The following ZC3H13 variants were observed in gnomAD, a reference collection of about 807,000 sequenced individuals.
ZC3H13 encodes zinc finger CCCH-type containing 13, also known as zinc finger CCCH domain-containing protein 13.
Under a neutral mutation model 204.1 loss-of-function variants are expected in ZC3H13, and 64 were observed. That is an observed-to-expected ratio of 0.31 (90% CI 0.26 to 0.39). The LOEUF is 0.39. Among genes scored for constraint, ZC3H13 ranks in the 10% least tolerant of loss-of-function variants. The pLI, the probability that ZC3H13 is intolerant of heterozygous loss-of-function variation, is 1.00. For missense variants in ZC3H13, 1,833 were observed against 2,082.7 expected (o/e 0.88, Z 2.33); for synonymous variants, 667 against 693.7 (o/e 0.96, Z 0.60).
In ZC3H13 at chr13:45,985,577, C is replaced by G. The variant is rs1954104214; in HGVS notation, c.1440G>C (p.Arg480Ser). The part of the protein sequence containing the change: ...LRDSRDMRDS[R>S]EMRDYSRDTK... ...TATCTCTGCTATAATCTCTCATCTC[C>G]CTTGAGTCCCGCATGTCTCTGGAGT... is the stretch of plus-strand genomic sequence containing the variant. The change falls in exon 10 of 19, where the codon AGG becomes AGC. Residue 480 changes from arginine (R) to serine (S), a missense_variant. By Grantham distance (110) the Arg-to-Ser change is moderately radical. Transcript: ENST00000679008. 6.2e-7 allele frequency: 1 copy of G among 1,613,944 alleles called. No individual in the cohort carries two copies. The highest frequency in any genetic ancestry group is 1.3e-5 in the African/African-American group (1 of 74,886).
At chr13:45,970,605 G>A (rs1275609718) in intron 12 of ZC3H13, 140 bp from the exon 13 acceptor site, 3 of 608,602 alleles carry the variant, frequency 4.9e-6, no homozygotes, top group African/African-American at 1.8e-5. Context: ...ATCATACAAA[G>A]GATATTCAGT....
At chr13:46,013,268 G>A (rs925385763) in intron 5 of ZC3H13, among the ~76,000 whole-genome samples, 2 of 152,108 alleles carry the variant, frequency 1.3e-5, no homozygotes, top group African/African-American at 4.8e-5. Flanking sequence ...ACAAAAATTA[G>A]CTGGGCGAGG....
At chr13:46,003,633 T>C (rs2040911771) in intron 7 of ZC3H13, among the ~76,000 whole-genome samples, 1 of 152,024 alleles carries the variant, frequency 6.6e-6, no homozygotes, top group Admixed American at 6.5e-5. Context: ...ACAATGACTG[T>C]TTAAACTGTT....
rs1951235464 is a variant in ZC3H13, at chr13:45,955,606, G to A, written c.*1521C>T. On this transcript the variant is annotated 3_prime_UTR_variant, in exon 19 of 19. Transcript: ENST00000679008. ...GGACTTTAAATCTTTGTGCTACAGA[G>A]AACAATATTATCCACTAAAATCAGG... 1 of 152,058 alleles carries A rather than the reference G, an allele frequency of 6.6e-6. No individual in the cohort carries two copies. Among genetic ancestry groups the A allele is most frequent in the Non-Finnish European group, 1.5e-5 (1 of 67,988 alleles). The allele number at this position is 152,058 out of a possible 1,614,324, so 9.4% of individuals were successfully genotyped here.
chr13:45,990,736 C>T (rs184861388), intron 8 of ZC3H13, among the ~76,000 whole-genome samples: 2 of 150,510 alleles, frequency 1.3e-5, no homozygotes, highest in East Asian at 3.9e-4. Flanking sequence ...AAAATCACTG[C>T]AAGAGTAAAA....
rs1347682122 is a variant in ZC3H13, at chr13:45,955,109, T to G, written c.*2018A>C. 1 of 152,174 alleles carries G rather than the reference T, an allele frequency of 6.6e-6. No individual in the cohort carries two copies. Among genetic ancestry groups the G allele is most frequent in the African/African-American group, 2.4e-5 (1 of 41,430 alleles). 9.4% of individuals were successfully genotyped at this position (152,174 alleles called of 1,614,324 possible). A position where few individuals can be genotyped will look rare whatever the true frequency, so the allele number is the denominator to read the frequency against. ...CAACTGGACAGACCTGAGCCGTCAG[T>G]TATGAGATAGATGACCTTTTAATTG... On this transcript the variant is annotated 3_prime_UTR_variant, in exon 19 of 19. Coordinates refer to ENST00000679008, the MANE Select transcript of ZC3H13 (RefSeq NM_001330564.2).
At chr13:45,990,334 G>GTAAC (rs1310142735) in intron 8 of ZC3H13, among the ~76,000 whole-genome samples, 3 of 152,098 alleles carry the variant, frequency 2.0e-5, no homozygotes, top group Non-Finnish European at 2.9e-5. Flanking sequence ...TGATGCCTTA[G>GTAAC]TAAACCTTTT....
intron 8 of ZC3H13, among the ~76,000 whole-genome samples, chr13:45,994,497 T>C (rs1311827805): frequency 2.0e-5 from 3 of 152,230 alleles, no homozygotes; most frequent in Non-Finnish European, 2.9e-5. Context: ...CAACTAATAC[T>C]TTTATGAAAC....
intron 4 of ZC3H13, among the ~76,000 whole-genome samples, chr13:46,034,753 AT>A (rs111938251): frequency 3.3e-5 from 5 of 152,158 alleles, no homozygotes; most frequent in African/African-American, 9.6e-5. Flanking sequence ...AATAAAGTAA[AT>A]TTAAAAAAAA....
chr13:45,962,075 A>T, intron 17 of ZC3H13: 1 of 695,622 alleles, frequency 1.4e-6, no homozygotes, highest in Non-Finnish European at 1.8e-6. Context: ...AAGAAAAATC[A>T]GTATCAATTA....
chr13:45,959,780 G>T, intron 17 of ZC3H13, 134 bp from the exon 18 acceptor site: 1 of 1,006,720 alleles, frequency 9.9e-7, no homozygotes, highest in Non-Finnish European at 1.4e-6. Context: ...TCACATTAAA[G>T]GCAATATATT....
At chr13:46,019,931 C>T (rs1013418363) in intron 5 of ZC3H13, among the ~76,000 whole-genome samples, 1 of 152,042 alleles carries the variant, frequency 6.6e-6, no homozygotes, top group African/African-American at 2.4e-5. Context: ...GTCCTCCAGC[C>T]TGGGTGACAC....
chr13:46,046,814 G>A (rs2044002274), intron 1 of ZC3H13, among the ~76,000 whole-genome samples: 2 of 152,020 alleles, frequency 1.3e-5, no homozygotes, highest in South Asian at 4.1e-4. Flanking sequence ...AGTATATTAT[G>A]ACATTAGAAA....
chr13:45,994,954 G>A (rs1593585898), intron 8 of ZC3H13, among the ~76,000 whole-genome samples: 1 of 151,368 alleles, frequency 6.6e-6, no homozygotes, highest in Non-Finnish European at 1.5e-5. Flanking sequence ...CCAATGGCCT[G>A]GAAGTCCCAT....
intron 12 of ZC3H13, among the ~76,000 whole-genome samples, chr13:45,972,808 C>A (rs1226819819): frequency 6.6e-6 from 1 of 152,162 alleles, no homozygotes; most frequent in Non-Finnish European, 1.5e-5. Context: ...TGACACTGTG[C>A]AAATGTGAAG....
At position 46,011,341 on chromosome 13, in the gene ZC3H13, A is replaced by G. The variant is rs1593665455; in HGVS notation, c.588+74T>C. On this transcript the variant is annotated intron_variant, in intron 6 of 18. Coordinates refer to ENST00000679008, the MANE Select transcript of ZC3H13 (RefSeq NM_001330564.2). The stretch of plus-strand genomic sequence containing the variant: ...ATACTAATATAATTTAAGATGTAGC[A>G]AGAAGCTGAGTTATCTGATCAATAC... 3 of 1,383,384 alleles carry G rather than the reference A, an allele frequency of 2.2e-6. No individual in the cohort carries two copies. In the East Asian group the frequency reaches 7.2e-5, roughly 33 times the overall value. The allele number at this position is 1,383,384 out of a possible 1,614,324, so 85.7% of individuals were successfully genotyped here.
At chr13:45,963,015 G>A (rs1340903169) in intron 17 of ZC3H13, 71 of 985,282 alleles carry the variant, frequency 7.2e-5, no homozygotes, top group Non-Finnish European at 8.4e-5. Context: ...CAGCGTGATA[G>A]GATATTTTCA....
chr13:46,020,614 T>A (rs546932550), intron 4 of ZC3H13, 57 bp from the exon 5 acceptor site: 11 of 1,122,116 alleles, frequency 9.8e-6, no homozygotes, highest in Non-Finnish European at 1.4e-5. Context: ...TATGAGGTAG[T>A]TTATTGTAAT....
At chr13:46,024,083 G>A (rs2042384982) in intron 4 of ZC3H13, among the ~76,000 whole-genome samples, 1 of 152,304 alleles carries the variant, frequency 6.6e-6, no homozygotes, top group South Asian at 2.1e-4. Flanking sequence ...GCCCAGCCAT[G>A]AAAGTGGGAT....
Sources: gnomAD v4.1 joint callset for allele counts (sites outside exome capture counted in the v4.1 genomes callset) on GRCh38, gnomAD v4.1.1 for gene constraint, MANE v1.5 for transcripts, NCBI Gene and HGNC (gene_info 2026-07-23, HGNC 2026-07-21) for gene names.